ZNF600: variants seen among roughly 807,000 people sequenced by gnomAD.
ZNF600 encodes zinc finger protein KR-ZNF1.
In ZNF600, 4 loss-of-function variants were observed where a neutral mutation model predicts 7.3. The observed-to-expected ratio is 0.55, with a 90% CI of 0.27 to 1.25. ZNF600 has a LOEUF of 1.25. ZNF600 is among the 50% of genes most tolerant of loss of function. The pLI, the probability that ZNF600 is intolerant of heterozygous loss-of-function variation, is 0.12. For synonymous variants in ZNF600, 290 were observed against 308.9 expected, an observed-to-expected ratio of 0.94 and a Z score of 0.64; for missense variants, 911 against 922.1, an observed-to-expected ratio of 0.99 and a Z score of 0.16.
At chr19:52,820,383 C>A in the ZNF600 span, among the ~76,000 whole-genome samples, 1 of 127,014 alleles carries the variant, frequency 7.9e-6, no homozygotes, top group African/African-American at 3.5e-5. Context: ...TCCCAAAGTG[C>A]TGGGATTACA....
At chr19:52,814,427 C>G in the ZNF600 span, 1 of 145,618 alleles carries the variant, frequency 6.9e-6, no homozygotes, top group African/African-American at 2.7e-5. Flanking sequence ...ACCGTCTCTC[C>G]TAAAAATACA....
chr19:52,805,972 C>A, the ZNF600 span: 3 of 152,016 alleles, frequency 2.0e-5, no homozygotes, highest in Non-Finnish European at 4.4e-5. Flanking sequence ...AACAGCAAAA[C>A]TCAGTCTCAT....
At chr19:52,790,682 CTTT>C (rs71183835), upstream of ZNF600, among the ~76,000 whole-genome samples, 308 of 98,558 alleles carry the variant, frequency 3.1e-3, 1 homozygote, top group African/African-American at 0.012. Flanking sequence ...TCTCTCTCTC[CTTT>C]TTTTTTTTTT....
intron 3 of ZNF600, among the ~76,000 whole-genome samples, chr19:52,771,763 C>G (rs1385741018): frequency 6.6e-6 from 1 of 152,158 alleles, no homozygotes; most frequent in African/African-American, 2.4e-5. Context: ...TAGTCGTGAG[C>G]CATCACGCCC....
the ZNF600 span, chr19:52,805,866 GCTTC>G: frequency 6.6e-6 from 1 of 152,072 alleles, no homozygotes; most frequent in Middle Eastern, 3.4e-3. Context: ...TGTAATCCCA[GCTTC>G]TCAGGGGCCT....
chr19:52,805,389 C>G, the ZNF600 span: 1 of 151,978 alleles, frequency 6.6e-6, no homozygotes, highest in Non-Finnish European at 1.5e-5. Context: ...CTTTGGGAGG[C>G]TGAGGCTGGC....
chr19:52,792,048 G>A, the ZNF600 span, among the ~76,000 whole-genome samples: 20 of 152,182 alleles, frequency 1.3e-4, no homozygotes, highest in East Asian at 3.9e-4. Context: ...CTGCTAAAGC[G>A]GCACAAAAGC....
the ZNF600 span, among the ~76,000 whole-genome samples, chr19:52,831,726 G>T: frequency 6.6e-6 from 1 of 151,898 alleles, no homozygotes; most frequent in East Asian, 1.9e-4. Context: ...GGATGGTCTC[G>T]ATCTCCCGAC....
chr19:52,811,411 G>A, the ZNF600 span, among the ~76,000 whole-genome samples: 909 of 142,676 alleles, frequency 6.4e-3, 5 homozygotes, highest in Middle Eastern at 0.018. Context: ...AGTGAGGAGC[G>A]TCTCTGCCCG....
chr19:52,777,566 G>A (rs1486632458), intron 2 of ZNF600, among the ~76,000 whole-genome samples: 1 of 152,026 alleles, frequency 6.6e-6, no homozygotes, highest in Non-Finnish European at 1.5e-5. Context: ...ACACAGTGGT[G>A]CACACCTTTA....
At chr19:52,794,511 C>CGTG in the ZNF600 span, among the ~76,000 whole-genome samples, 1 of 152,118 alleles carries the variant, frequency 6.6e-6, no homozygotes, top group East Asian at 1.9e-4. Context: ...CTGATTCCCA[C>CGTG]GTGATGGTCT....
the ZNF600 span, among the ~76,000 whole-genome samples, chr19:52,809,165 T>A: frequency 1.3e-5 from 2 of 152,112 alleles, no homozygotes; most frequent in Admixed American, 1.3e-4. Flanking sequence ...TCTTGTCAGA[T>A]CTAAGAAAAT....
upstream of ZNF600, among the ~76,000 whole-genome samples, chr19:52,787,499 C>T (rs150699000): frequency 4.0e-5 from 6 of 148,260 alleles, no homozygotes; most frequent in Non-Finnish European, 4.5e-5. Context: ...CTCCGCCTCC[C>T]GGGTTCACGC....
At chr19:52,773,969 C>T (rs982847646) in intron 3 of ZNF600, among the ~76,000 whole-genome samples, 1 of 151,908 alleles carries the variant, frequency 6.6e-6, no homozygotes, top group Non-Finnish European at 1.5e-5. Context: ...TCACCCACCT[C>T]AGCCTTCCAA....
the ZNF600 span, among the ~76,000 whole-genome samples, chr19:52,833,220 G>A: frequency 6.6e-6 from 1 of 152,130 alleles, no homozygotes; most frequent in African/African-American, 2.4e-5. Context: ...TCTGGTCCAC[G>A]AAGAGCTGAC....
chr19:52,794,912 T>C, the ZNF600 span, among the ~76,000 whole-genome samples: 1 of 152,192 alleles, frequency 6.6e-6, no homozygotes, highest in South Asian at 2.1e-4. Context: ...ATGAAATGTC[T>C]CTTTCAATGT....
the ZNF600 span, chr19:52,810,172 G>C: frequency 2.1e-6 from 2 of 972,368 alleles, no homozygotes; most frequent in Non-Finnish European, 1.7e-6. Flanking sequence ...GCTGGAGTCA[G>C]GGAGGTGGAG....
chr19:52,812,246 C>G, the ZNF600 span, among the ~76,000 whole-genome samples: 4 of 137,644 alleles, frequency 2.9e-5, no homozygotes, highest in Non-Finnish European at 6.0e-5. Context: ...TGCCCGGCCA[C>G]GACCCCGTCT....
At chr19:52,810,880 CCTCCCCCTCCCCCTCCCCCTCCCT>C in the ZNF600 span, among the ~76,000 whole-genome samples, 970 of 17,564 alleles carry the variant, frequency 0.055, 112 homozygotes, top group Non-Finnish European at 0.075. Flanking sequence ...TCCCCCTCCC[CCTCCCCCTCCCCCTCCCCCTCCCT>C]CTCCCTCTCC....
Sources: gnomAD v4.1 joint callset for allele counts (sites outside exome capture counted in the v4.1 genomes callset) on GRCh38, gnomAD v4.1.1 for gene constraint, MANE v1.5 for transcripts, NCBI Gene and HGNC (gene_info 2026-07-23, HGNC 2026-07-21) for gene names.